Variants in PCP4 observed in about 807,000 individuals in gnomAD.
PCP4 encodes calmodulin regulator protein PCP4.
PCP4 carries 8 observed loss-of-function variants against 10.0 expected under a neutral mutation model. The ratio of observed to expected loss-of-function variants is 0.80; its 90% CI spans 0.47 to 1.45. PCP4 has a LOEUF of 1.45. PCP4 is among the 40% of genes most tolerant of loss of function. The pLI, the probability that PCP4 is intolerant of heterozygous loss-of-function variation, is 0.00. For missense variants in PCP4, 54 were observed against 74.4 expected, an observed-to-expected ratio of 0.73 and a Z score of 1.01; for synonymous variants, 21 against 23.0, an observed-to-expected ratio of 0.91 and a Z score of 0.24.
intron 1 of PCP4, among the ~76,000 whole-genome samples, chr21:39,880,987 G>A (rs1402394359): frequency 6.6e-6 from 1 of 152,076 alleles, no homozygotes. Context: ...TGAGTTGGTT[G>A]TTCGTATTGG....
At chr21:39,889,070 C>T (rs567428770) in intron 1 of PCP4, among the ~76,000 whole-genome samples, 8 of 152,122 alleles carry the variant, frequency 5.3e-5, no homozygotes, top group Admixed American at 1.3e-4. Flanking sequence ...ATCACGGGGC[C>T]GAGAGGGAAC....
At chr21:39,912,417 A>G (rs932126501) in intron 2 of PCP4, among the ~76,000 whole-genome samples, 1 of 152,110 alleles carries the variant, frequency 6.6e-6, no homozygotes, top group African/African-American at 2.4e-5. Context: ...AAAAGAATAA[A>G]AGTAATCCAC....
intron 1 of PCP4, among the ~76,000 whole-genome samples, chr21:39,882,863 A>C (rs574859198): frequency 1.3e-5 from 2 of 152,180 alleles, no homozygotes; most frequent in African/African-American, 4.8e-5. Flanking sequence ...ACTTCTAGGG[A>C]TGGGGAGAGA....
intron 2 of PCP4, among the ~76,000 whole-genome samples, chr21:39,927,985 C>A (rs989243332): frequency 6.6e-6 from 1 of 152,060 alleles, no homozygotes; most frequent in African/African-American, 2.4e-5. Context: ...AAAAACGATG[C>A]CTTTGATGAA....
intron 2 of PCP4, among the ~76,000 whole-genome samples, chr21:39,920,471 C>A (rs939258101): frequency 3.5e-4 from 52 of 150,658 alleles, no homozygotes; most frequent in African/African-American, 1.2e-3. Flanking sequence ...GTGTGTGTGG[C>A]GTGTTGTATG....
chr21:39,869,484 G>A (rs2299745), intron 1 of PCP4, among the ~76,000 whole-genome samples: 32,792 of 152,054 alleles, frequency 0.22, 3,668 homozygotes, highest in African/African-American at 0.25. Context: ...AGCACACAAG[G>A]GGCACATCCC....
In PCP4 at chr21:39,875,535, ATCT is replaced by A. The variant is rs544982564; in HGVS notation, c.9+8029_9+8031del. 9.8e-5 allele frequency among the ~76,000 whole-genome samples: 15 copies of A among 152,314 alleles called. 1 individual carries two copies. The highest frequency in any genetic ancestry group is 6.2e-4 in the South Asian group (3 of 4,822). On this transcript the variant is annotated intron_variant, in intron 1 of 2. Transcript: ENST00000328619. The stretch of plus-strand genomic sequence containing the variant: ...CTTCAAACCATTATGCCATAGTGAG[ATCT>A]TCTCCTTAAAACAATAAGGGTGACT...
chr21:39,884,664 G>A (rs537049525), intron 1 of PCP4, among the ~76,000 whole-genome samples: 1 of 152,112 alleles, frequency 6.6e-6, no homozygotes, highest in Non-Finnish European at 1.5e-5. Context: ...AGGCGTGGTG[G>A]CATGTGCCTG....
chr21:39,912,213 C>T (rs1251391371), intron 2 of PCP4, among the ~76,000 whole-genome samples: 11 of 152,070 alleles, frequency 7.2e-5, no homozygotes, highest in South Asian at 2.1e-4. Flanking sequence ...GTATTTTATC[C>T]CTGCTTAAAT....
At chr21:39,894,942 T>C (rs2087449776) in intron 1 of PCP4, among the ~76,000 whole-genome samples, 1 of 152,198 alleles carries the variant, frequency 6.6e-6, no homozygotes, top group Non-Finnish European at 1.5e-5. Flanking sequence ...ATCTTTTCGT[T>C]GGTTGCTTAG....
At chr21:39,896,944 G>GC (rs1555848585) in intron 1 of PCP4, among the ~76,000 whole-genome samples, 3 of 152,066 alleles carry the variant, frequency 2.0e-5, no homozygotes, top group Admixed American at 6.5e-5. Context: ...GTGCTCTGCT[G>GC]TTTTTTTCTA....
intron 2 of PCP4, among the ~76,000 whole-genome samples, chr21:39,913,025 A>G (rs752154285): frequency 1.1e-4 from 17 of 152,186 alleles, no homozygotes; most frequent in Non-Finnish European, 2.2e-4. Context: ...CTCTTAGTTA[A>G]TCTTTTTGAG....
rs372606351 is a variant in PCP4, at chr21:39,927,504, G to A, written c.62-1480G>A. Among the ~76,000 whole-genome samples the A allele has an allele frequency of 6.1e-4, 93 of 152,200 alleles. 1 individual carries two copies. Among genetic ancestry groups the A allele is most frequent in the African/African-American group, 2.2e-3 (92 of 41,530 alleles). ...AGAGCTGGTGCCTGAGCATTATTAT[G>A]CAAAGTCCCTAAACAAGGTAGTGGA... is the stretch of plus-strand genomic sequence containing the variant. On this transcript the variant is annotated intron_variant, in intron 2 of 2. Coordinates refer to ENST00000328619, the MANE Select transcript of PCP4 (RefSeq NM_006198.3).
intron 2 of PCP4, among the ~76,000 whole-genome samples, chr21:39,904,964 T>C (rs551357951): frequency 3.9e-5 from 6 of 152,168 alleles, no homozygotes; most frequent in Non-Finnish European, 7.3e-5. Context: ...GTTATAACTT[T>C]CACAGACAGC....
chr21:39,900,812 A>G (rs1052701812), intron 2 of PCP4, among the ~76,000 whole-genome samples: 1 of 152,088 alleles, frequency 6.6e-6, no homozygotes, highest in African/African-American at 2.4e-5. Flanking sequence ...CTTAGACCAT[A>G]GGGTCATTCT....
intron 2 of PCP4, among the ~76,000 whole-genome samples, chr21:39,920,348 T>C (rs1399949753): frequency 1.3e-5 from 2 of 149,604 alleles, no homozygotes; most frequent in Non-Finnish European, 3.0e-5. Flanking sequence ...ATGTGTGTGG[T>C]GTGTTTGCAT....
chr21:39,887,402 A>G (rs1412854602), intron 1 of PCP4, among the ~76,000 whole-genome samples: 1 of 149,774 alleles, frequency 6.7e-6, no homozygotes, highest in Non-Finnish European at 1.5e-5. Flanking sequence ...TTCTTTTGAC[A>G]TGAATTTCTA....
chr21:39,928,412 T>G (rs1049587461), intron 2 of PCP4, among the ~76,000 whole-genome samples: 3 of 152,154 alleles, frequency 2.0e-5, no homozygotes, highest in South Asian at 2.1e-4. Context: ...ATTTGCCAAG[T>G]CTACCTCATA....
intron 1 of PCP4, among the ~76,000 whole-genome samples, chr21:39,897,137 C>T (rs1213614668): frequency 6.6e-6 from 1 of 152,140 alleles, no homozygotes; most frequent in Non-Finnish European, 1.5e-5. Context: ...TGCCTGTAAT[C>T]CCAGCACTTT....
Sources: gnomAD v4.1 joint callset for allele counts (sites outside exome capture counted in the v4.1 genomes callset) on GRCh38, gnomAD v4.1.1 for gene constraint, MANE v1.5 for transcripts, NCBI Gene and HGNC (gene_info 2026-07-23, HGNC 2026-07-21) for gene names.